The following MAPRE3 variants were observed in gnomAD, a reference collection of about 807,000 sequenced individuals.
The protein encoded by MAPRE3 is microtubule associated protein RP/EB family member 3, also known as microtubule-associated protein RP/EB family member 3.
In MAPRE3, 2 loss-of-function variants were observed where a neutral mutation model predicts 30.5. That is an observed-to-expected ratio of 0.07 (90% CI 0.03 to 0.21). MAPRE3 has a LOEUF of 0.21. Ranked by LOEUF, MAPRE3 falls within the 10% of genes least tolerant of loss-of-function variation. The probability of loss-of-function intolerance (pLI) is 1.00; values close to 1 mark genes in which losing one functional copy is unlikely to be tolerated. For missense variants in MAPRE3, 204 were observed against 351.8 expected (o/e 0.58, Z 3.36); for synonymous variants, 110 against 127.7 (o/e 0.86, Z 0.93).
At chr2:26,997,714 G>C (rs1666495919) in intron 1 of MAPRE3, among the ~76,000 whole-genome samples, 1 of 152,170 alleles carries the variant, frequency 6.6e-6, no homozygotes, top group Admixed American at 6.5e-5. Flanking sequence ...TGGTAGAAAG[G>C]ATAGTTTGGT....
intron 4 of MAPRE3, among the ~76,000 whole-genome samples, chr2:27,024,550 G>A (rs187923970): frequency 1.7e-3 from 259 of 152,346 alleles, no homozygotes; most frequent in African/African-American, 5.9e-3. Flanking sequence ...GGAGGCCCAA[G>A]GCACTTTGTT....
chr2:26,980,374 T>A (rs546091084), intron 1 of MAPRE3, among the ~76,000 whole-genome samples: 1 of 152,380 alleles, frequency 6.6e-6, no homozygotes, highest in African/African-American at 2.4e-5. Flanking sequence ...TATTTTATTT[T>A]TGTAAAATAA....
chr2:26,980,940 G>A (rs534275801), intron 1 of MAPRE3, among the ~76,000 whole-genome samples: 44 of 152,290 alleles, frequency 2.9e-4, no homozygotes, highest in Non-Finnish European at 5.3e-4. Context: ...TTCCTTTGAA[G>A]AGAAGAGGGC....
At chr2:26,976,056 T>C (rs533649871) in intron 1 of MAPRE3, among the ~76,000 whole-genome samples, 1 of 152,206 alleles carries the variant, frequency 6.6e-6, no homozygotes, top group Non-Finnish European at 1.5e-5. Flanking sequence ...GGCATCTGAC[T>C]ATATGACCTT....
At chr2:27,013,674 C>G (rs2148221382) in intron 1 of MAPRE3, 1 of 152,368 alleles carries the variant, frequency 6.6e-6, no homozygotes, top group East Asian at 1.9e-4. Flanking sequence ...TTCAAAAGCA[C>G]AGCTCTGTCT....
At chr2:26,982,119 T>C (rs1666126201) in intron 1 of MAPRE3, among the ~76,000 whole-genome samples, 1 of 152,190 alleles carries the variant, frequency 6.6e-6, no homozygotes, top group Non-Finnish European at 1.5e-5. Flanking sequence ...GTTTCTCTCT[T>C]GCCTATTATG....
intron 5 of MAPRE3, 54 bp from the exon 6 acceptor site, chr2:27,025,826 A>T: frequency 6.2e-7 from 1 of 1,613,732 alleles, no homozygotes; most frequent in South Asian, 1.1e-5. Flanking sequence ...GAGGGCAGGC[A>T]GGGGAACCTG....
At chr2:26,973,847 G>A (rs74472398) in intron 1 of MAPRE3, among the ~76,000 whole-genome samples, 1 of 152,164 alleles carries the variant, frequency 6.6e-6, no homozygotes, top group Non-Finnish European at 1.5e-5. Flanking sequence ...GAGCCACCGC[G>A]CCTGGCCAGA....
chr2:27,024,105 G>A lies in MAPRE3; in HGVS notation c.277G>A (p.Val93Ile). ...KKMGVDKIIP[V>I]EKLVKGKFQD... ...ATGTGGTCTATTTCAGATCATTCCT[G>A]TAGAGAAATTAGTGAAAGGAAAATT... The change falls in exon 4 of 7, where the codon GTA becomes ATA. Residue 93 changes from valine to isoleucine, a missense_variant. Coordinates refer to ENST00000233121, the MANE Select transcript of MAPRE3 (RefSeq NM_012326.4). 6.2e-7 allele frequency: 1 copy of A among 1,613,224 alleles called. No individual in the cohort carries two copies. Among genetic ancestry groups the A allele is most frequent in the Non-Finnish European group, 8.5e-7 (1 of 1,179,256 alleles).
intron 1 of MAPRE3, among the ~76,000 whole-genome samples, chr2:27,010,746 A>G (rs1482067700): frequency 6.6e-6 from 1 of 151,888 alleles, no homozygotes; most frequent in Non-Finnish European, 1.5e-5. Flanking sequence ...CCCGGGCCCA[A>G]TCTATATTTC....
At chr2:26,991,025 G>A (rs1330449330) in intron 1 of MAPRE3, among the ~76,000 whole-genome samples, 2 of 152,192 alleles carry the variant, frequency 1.3e-5, no homozygotes, top group Non-Finnish European at 2.9e-5. Flanking sequence ...AGGCCGAGGC[G>A]GGCGGATCAC....
chr2:27,023,885 G>A, intron 3 of MAPRE3: 1 of 560,112 alleles, frequency 1.8e-6, no homozygotes. Flanking sequence ...CTTCCACACG[G>A]TGCCTGTAGA....
chr2:26,996,679 A>G (rs939801908), intron 1 of MAPRE3, among the ~76,000 whole-genome samples: 1 of 152,012 alleles, frequency 6.6e-6, no homozygotes, highest in Non-Finnish European at 1.5e-5. Flanking sequence ...AGTCCCAGCT[A>G]CTCGGGAGGC....
At chr2:27,014,032 C>T (rs1385070088) in intron 1 of MAPRE3, 1 of 152,224 alleles carries the variant, frequency 6.6e-6, no homozygotes, top group Non-Finnish European at 1.5e-5. Flanking sequence ...AGCCAAGTCA[C>T]ACTGTCTGCC....
intron 1 of MAPRE3, among the ~76,000 whole-genome samples, chr2:26,971,274 G>T (rs1214466755): frequency 6.6e-6 from 1 of 152,212 alleles, no homozygotes; most frequent in Non-Finnish European, 1.5e-5. Flanking sequence ...GGAACATCGG[G>T]CCAGGCCCAG....
At chr2:26,982,285 A>G (rs947592968) in intron 1 of MAPRE3, among the ~76,000 whole-genome samples, 26 of 152,194 alleles carry the variant, frequency 1.7e-4, no homozygotes, top group African/African-American at 5.8e-4. Flanking sequence ...AACTGAAGCC[A>G]TTTACACAGC....
At chr2:26,996,149 T>TTATTTTATTC (rs1364274765) in intron 1 of MAPRE3, among the ~76,000 whole-genome samples, 22 of 150,198 alleles carry the variant, frequency 1.5e-4, no homozygotes, top group Admixed American at 5.4e-4. Context: ...TTATTTTATT[T>TTATTTTATTC]TATTTTATTT....
At position 26,981,733 on chromosome 2, in the gene MAPRE3, G is replaced by A. The variant is rs568175917; in HGVS notation, c.-8+10931G>A. Among the ~76,000 whole-genome samples the A allele has an allele frequency of 4.7e-4, 71 of 152,260 alleles. No individual in the cohort carries two copies. The South Asian group carries it at 0.013, about 28-fold the overall frequency. ...TGCTGGGCCTCTAAGGAGCCTCCAC[G>A]TGTCAGCCAGTGGCTTCTGTGGTCT... On this transcript the variant is annotated intron_variant, in intron 1 of 6. Coordinates refer to ENST00000233121, the MANE Select transcript of MAPRE3 (RefSeq NM_012326.4).
At chr2:26,996,086 T>C (rs1341553946) in intron 1 of MAPRE3, among the ~76,000 whole-genome samples, 1 of 151,586 alleles carries the variant, frequency 6.6e-6, no homozygotes, top group African/African-American at 2.4e-5. Context: ...TGGGTACCCA[T>C]AGAAACAGAT....
Sources: allele counts gnomAD v4.1 joint callset (sites outside exome capture counted in the v4.1 genomes callset), GRCh38; gene constraint gnomAD v4.1.1; transcripts MANE v1.5; gene names NCBI Gene and HGNC (gene_info 2026-07-23, HGNC 2026-07-21).